The following PARP4 variants were observed in gnomAD, a reference collection of about 807,000 sequenced individuals.
PARP4 encodes protein mono-ADP-ribosyltransferase PARP4.
A neutral mutation model predicts 187.7 loss-of-function variants in PARP4; 120 were observed. The observed-to-expected ratio is 0.64, with a 90% CI of 0.55 to 0.74. The LOEUF (loss-of-function observed/expected upper bound fraction) is 0.74, where lower values mean the gene tolerates loss of function less well. PARP4 is among the 30% of genes least tolerant of loss of function. PARP4 has a pLI of 0.00. For synonymous variants in PARP4, 654 were observed against 740.9 expected, an observed-to-expected ratio of 0.88 and a Z score of 1.90; for missense variants, 1,836 against 2,070.5, an observed-to-expected ratio of 0.89 and a Z score of 2.20.
chr13:24,425,561 G>C (rs1247167074), intron 33 of PARP4, among the ~76,000 whole-genome samples: 3 of 137,750 alleles, frequency 2.2e-5, no homozygotes, highest in Non-Finnish European at 4.7e-5. Flanking sequence ...GTGTGTGTGT[G>C]TGTGTGTGTA....
intron 20 of PARP4, among the ~76,000 whole-genome samples, chr13:24,456,932 A>AAACAAAAT (rs2137478163): frequency 6.6e-6 from 1 of 152,220 alleles, no homozygotes; most frequent in South Asian, 2.1e-4. Context: ...AAAACAAAAA[A>AAACAAAAT]AACAAAATAA....
intron 1 of PARP4, among the ~76,000 whole-genome samples, chr13:24,512,158 G>C (rs1216520188): frequency 6.6e-6 from 1 of 152,154 alleles, no homozygotes; most frequent in Non-Finnish European, 1.5e-5. Context: ...CTACCAACTC[G>C]ATCCCTGGGT....
chr13:24,493,462 C>A, intron 8 of PARP4, 134 bp downstream of exon 8: 1 of 781,098 alleles, frequency 1.3e-6, no homozygotes, highest in Non-Finnish European at 2.0e-6. Flanking sequence ...TCTTCAGTAC[C>A]GGTACAAGGA....
chr13:24,468,884 C>T (rs1387495297), intron 17 of PARP4, 140 bp downstream of exon 17: 2 of 645,042 alleles, frequency 3.1e-6, no homozygotes, highest in Non-Finnish European at 5.4e-6. Context: ...CGTGGCTTCC[C>T]CTTACTCAGA....
rs201572803 is a variant in PARP4, at chr13:24,478,046, T to C, written c.1632+47A>G. 4.9e-5 allele frequency: 70 copies of C among 1,443,110 alleles called. No homozygotes were observed. The African/African-American group carries it at 8.6e-4, about 18-fold the overall frequency. 89.4% of individuals were successfully genotyped at this position (1,443,110 alleles called of 1,614,324 possible). A position where few individuals can be genotyped will look rare whatever the true frequency, so the allele number is the denominator to read the frequency against. Reference sequence around the variant, plus strand: ...TAGGAGCAAAAAACTAAGGCCTTTCTTTGAGCATTCAAGACCCTCTTTGCT... The same window carrying C: ...TAGGAGCAAAAAACTAAGGCCTTTCCTTGAGCATTCAAGACCCTCTTTGCT... On this transcript the variant is annotated intron_variant, in intron 13 of 33. Coordinates refer to ENST00000381989, the MANE Select transcript of PARP4 (RefSeq NM_006437.4).
chr13:24,500,463 A>G, intron 3 of PARP4, 81 bp from the exon 4 acceptor site: 2 of 839,928 alleles, frequency 2.4e-6, no homozygotes, highest in African/African-American at 1.7e-5. Context: ...TGGAATTGTT[A>G]AGATTCATAA....
intron 31 of PARP4, among the ~76,000 whole-genome samples, chr13:24,432,980 C>T (rs1303206164): frequency 6.6e-6 from 1 of 152,082 alleles, no homozygotes; most frequent in Non-Finnish European, 1.5e-5. Flanking sequence ...TAATATGTAC[C>T]AACCCATAGA....
chr13:24,479,160 C>T (rs1030142216), intron 12 of PARP4, among the ~76,000 whole-genome samples: 1 of 152,166 alleles, frequency 6.6e-6, no homozygotes, highest in African/African-American at 2.4e-5. Flanking sequence ...CTAGGACACA[C>T]CTTTGGACAC....
intron 10 of PARP4, among the ~76,000 whole-genome samples, chr13:24,487,975 G>T (rs1289071219): frequency 6.6e-6 from 1 of 152,156 alleles, no homozygotes; most frequent in Non-Finnish European, 1.5e-5. Context: ...TTTTAGAAAA[G>T]AACATGAGTT....
rs748601500 is a variant in PARP4, at chr13:24,449,712, AC to A, written c.3114+5del. ...AAATATAAAACCAGATGTTTAAAAA[AC>A]ATACCTGTTTTCTCCAACTATGCTT... On this transcript the variant is annotated splice_donor_5th_base_variant and intron_variant, in intron 25 of 33. Transcript: ENST00000381989. 15 of 1,462,638 alleles carry A rather than the reference AC, an allele frequency of 1.0e-5. No individual in the cohort carries two copies. The South Asian group carries it at 1.7e-4, about 17-fold the overall frequency. 90.6% of individuals were successfully genotyped at this position (1,462,638 alleles called of 1,614,324 possible). A position where few individuals can be genotyped will look rare whatever the true frequency, so the allele number is the denominator to read the frequency against.
At chr13:24,500,471 T>C in intron 3 of PARP4, 89 bp from the exon 4 acceptor site, 1 of 772,988 alleles carries the variant, frequency 1.3e-6, no homozygotes, top group Middle Eastern at 2.4e-4. Flanking sequence ...TTAAGATTCA[T>C]AAATATATCC....
intron 30 of PARP4, among the ~76,000 whole-genome samples, chr13:24,438,275 C>T (rs905135635): frequency 2.0e-5 from 3 of 152,150 alleles, no homozygotes. Context: ...CCACATGTTC[C>T]ATATGCACAG....
chr13:24,494,510 T>A, intron 7 of PARP4, 63 bp downstream of exon 7: 1 of 1,437,062 alleles, frequency 7.0e-7, no homozygotes, highest in African/African-American at 1.4e-5. Context: ...TTATTTGTAA[T>A]AGAGAAAACA....
intron 30 of PARP4, among the ~76,000 whole-genome samples, chr13:24,437,000 A>G (rs985353181): frequency 1.9e-4 from 29 of 152,310 alleles, no homozygotes; most frequent in African/African-American, 5.8e-4. Context: ...ATAGTGATGG[A>G]CTAGAACTAT....
chr13:24,425,439 CAAT>C (rs1444095607), intron 33 of PARP4, among the ~76,000 whole-genome samples: 8 of 152,130 alleles, frequency 5.3e-5, no homozygotes, highest in Middle Eastern at 3.4e-3. Flanking sequence ...ATCCCCGTAG[CAAT>C]AATATTATTA....
At chr13:24,468,689 T>C (rs4770692) in intron 17 of PARP4, among the ~76,000 whole-genome samples, 79,059 of 151,948 alleles carry the variant, frequency 0.52, 20,751 homozygotes, top group South Asian at 0.65. Context: ...CAGGCATAAG[T>C]CATTGCGCCC....
Position 24,478,213 on chromosome 13 carries a change from G to A in PARP4, c.1512C>T (p.Asp504=), listed in dbSNP as rs747481707. Residue 504 remains aspartate, a synonymous_variant, in exon 13 of 34, where the codon GAC becomes GAT. Transcript: ENST00000381989. ...TDGTRLLLIC[D]VALGKCMDLH... ...AGTCCATACACTTTCCGAGGGCTAC[G>A]TCACAAATGAGCAGGAGTCTGGTGC... is the stretch of plus-strand genomic sequence containing the variant. The A allele has an allele frequency of 1.3e-5, 21 of 1,613,404 alleles. No individual in the cohort carries two copies. The East Asian group carries it at 3.6e-4, about 27-fold the overall frequency.
At chr13:24,426,930 G>A (rs1021721813) in intron 32 of PARP4, among the ~76,000 whole-genome samples, 9 of 149,854 alleles carry the variant, frequency 6.0e-5, no homozygotes, top group African/African-American at 1.2e-4. Context: ...ATTATAATAC[G>A]GTTAAATCAC....
chr13:24,467,512 C>A (rs1872532611), intron 17 of PARP4, among the ~76,000 whole-genome samples: 1 of 152,150 alleles, frequency 6.6e-6, no homozygotes, highest in East Asian at 1.9e-4. Flanking sequence ...TCAGAGCTCA[C>A]TGCAGCCTCG....
Sources: gnomAD v4.1 joint callset for allele counts (sites outside exome capture counted in the v4.1 genomes callset) on GRCh38, gnomAD v4.1.1 for gene constraint, MANE v1.5 for transcripts, NCBI Gene and HGNC (gene_info 2026-07-23, HGNC 2026-07-21) for gene names.